MEMO1: variants seen among roughly 807,000 people sequenced by gnomAD.
MEMO1 encodes mediator of cell motility 1, also known as protein MEMO1.
In MEMO1, 6 loss-of-function variants were observed where a neutral mutation model predicts 45.2. That is an observed-to-expected ratio of 0.13 (90% confidence interval 0.07 to 0.26). MEMO1 has a LOEUF of 0.26. MEMO1 is among the 10% of genes least tolerant of loss of function. The pLI, the probability that MEMO1 is intolerant of heterozygous loss-of-function variation, is 1.00. For synonymous variants in MEMO1, 78 were observed against 124.3 expected (o/e 0.63, Z 2.48); for missense variants, 184 against 370.5 (o/e 0.50, Z 4.13).
At chr2:32,002,353 ATATG>A (rs1423245851) in intron 2 of MEMO1, among the ~76,000 whole-genome samples, 14 of 149,408 alleles carry the variant, frequency 9.4e-5, no homozygotes, top group African/African-American at 2.4e-4. Flanking sequence ...ATATACATAC[ATATG>A]TATGAGGAAA....
At chr2:31,932,298 A>G (rs1210533779) in intron 3 of MEMO1, among the ~76,000 whole-genome samples, 163 bp from the exon 4 acceptor site, 3 of 152,240 alleles carry the variant, frequency 2.0e-5, no homozygotes, top group Admixed American at 2.0e-4. Context: ...AGAAGAAATT[A>G]GGAAACACAT....
rs933649071 is a variant in MEMO1, at chr2:31,868,143, A to T, written c.*218T>A. 5 of 391,538 alleles carry T rather than the reference A, an allele frequency of 1.3e-5. No homozygotes were observed. The highest frequency in any genetic ancestry group is 2.1e-5 in the Non-Finnish European group (5 of 235,298). The allele number at this position is 391,538 out of a possible 1,614,324, so 24.3% of individuals were successfully genotyped here. A position where few individuals can be genotyped will look rare whatever the true frequency, so the allele number is the denominator to read the frequency against. On this transcript the variant is annotated 3_prime_UTR_variant, in exon 10 of 10. Coordinates refer to ENST00000404530, the MANE Select transcript of MEMO1 (RefSeq NM_001301833.4). ...CATCTTTTTTGATCAAAATATTTTG[A>T]TGCCAGCCTTCCTTCCACTGCCCTA...
intron 4 of MEMO1, among the ~76,000 whole-genome samples, chr2:31,930,552 T>C (rs923405140): frequency 6.6e-6 from 1 of 152,110 alleles, no homozygotes; most frequent in Admixed American, 6.6e-5. Context: ...TTCTGCCAAA[T>C]AGAGGAAGGT....
chr2:31,895,875 C>T (rs556423561), intron 6 of MEMO1, among the ~76,000 whole-genome samples: 2 of 128,712 alleles, frequency 1.6e-5, no homozygotes, highest in East Asian at 2.4e-4. Flanking sequence ...GACGGAGTCT[C>T]GCTGTCGCCC....
chr2:31,949,486 A>T (rs948211136), intron 2 of MEMO1, among the ~76,000 whole-genome samples: 34 of 152,082 alleles, frequency 2.2e-4, no homozygotes, highest in Non-Finnish European at 5.9e-5. Flanking sequence ...TAAGTGAAAT[A>T]AGCCAGGCAC....
chr2:31,897,588 G>A (rs974880557), intron 6 of MEMO1, among the ~76,000 whole-genome samples: 4 of 152,192 alleles, frequency 2.6e-5, no homozygotes, highest in African/African-American at 9.7e-5. Flanking sequence ...TGATGGATAT[G>A]CGTTTTGATG....
In MEMO1 at chr2:31,931,733, G is replaced by A. The variant is rs552871333; in HGVS notation, c.212+334C>T. ...AGTACAATAAAGAATCTTAAATTAC[G>A]AAATGATTAAAACAGATCAGAGGGC... On this transcript the variant is annotated intron_variant, in intron 4 of 9. Coordinates refer to ENST00000404530, the MANE Select transcript of MEMO1 (RefSeq NM_001301833.4). Among the ~76,000 whole-genome samples, 4 of 152,126 alleles carry A rather than the reference G, an allele frequency of 2.6e-5. No homozygotes were observed. The East Asian group carries it at 7.7e-4, about 29-fold the overall frequency.
In MEMO1 at chr2:31,991,188, T is replaced by C. The variant is rs189398963; in HGVS notation, c.61+18999A>G. On this transcript the variant is annotated intron_variant, in intron 2 of 9. Transcript: ENST00000404530. ...ACTGGATAGACAGACACATAAGAAATTGATAAAAGCAACCACCTATAAGGG... is the reference window on the plus strand; with the variant it reads ...ACTGGATAGACAGACACATAAGAAACTGATAAAAGCAACCACCTATAAGGG... Among the ~76,000 whole-genome samples the C allele has an allele frequency of 2.3e-4, 35 of 152,176 alleles. 1 individual carries two copies. The highest frequency in any genetic ancestry group is 7.7e-4 in the East Asian group (4 of 5,178).
chr2:31,992,419 C>T lies in MEMO1; in HGVS notation c.61+17768G>A, dbSNP rs1039611232. On this transcript the variant is annotated intron_variant, in intron 2 of 9. Coordinates refer to ENST00000404530, the MANE Select transcript of MEMO1 (RefSeq NM_001301833.4). The stretch of plus-strand genomic sequence containing the variant: ...AGATAAGAGGTGTCATGGCAATAAA[C>T]AAAAGTGGGTTCATATCTCAAATCT... 3.3e-5 allele frequency among the ~76,000 whole-genome samples: 5 copies of T among 152,292 alleles called. No homozygotes were observed. The South Asian group carries it at 6.2e-4, about 19-fold the overall frequency.
At chr2:31,880,132 A>G (rs1305745425) in intron 8 of MEMO1, among the ~76,000 whole-genome samples, 2 of 152,188 alleles carry the variant, frequency 1.3e-5, no homozygotes, top group Non-Finnish European at 2.9e-5. Context: ...TGTCCTCAAT[A>G]CTGCACAGAG....
chr2:31,976,576 A>AC (rs1464233343), intron 2 of MEMO1, among the ~76,000 whole-genome samples: 1 of 146,194 alleles, frequency 6.8e-6, no homozygotes, highest in Non-Finnish European at 1.5e-5. Context: ...AGACTGTCTC[A>AC]AAAAAAAAAA....
At chr2:31,895,827 A>G (rs2148010107) in intron 6 of MEMO1, among the ~76,000 whole-genome samples, 1 of 150,892 alleles carries the variant, frequency 6.6e-6, no homozygotes, top group South Asian at 2.1e-4. Context: ...ACAAAACACA[A>G]GAAAAAAATC....
intron 2 of MEMO1, among the ~76,000 whole-genome samples, chr2:31,981,287 C>G (rs977848352): frequency 6.6e-6 from 1 of 152,204 alleles, no homozygotes; most frequent in African/African-American, 2.4e-5. Context: ...AATGACTGCC[C>G]ATTTCCTCAA....
intron 2 of MEMO1, among the ~76,000 whole-genome samples, chr2:31,950,864 T>C (rs568710595): frequency 6.6e-6 from 1 of 152,362 alleles, no homozygotes; most frequent in South Asian, 2.1e-4. Flanking sequence ...AAAATTTTCC[T>C]CAACATTCAC....
At chr2:31,922,026 A>T (rs1682386363) in intron 4 of MEMO1, among the ~76,000 whole-genome samples, 1 of 152,148 alleles carries the variant, frequency 6.6e-6, no homozygotes, top group South Asian at 2.1e-4. Context: ...CTGTTCTCCA[A>T]AATTCATATG....
chr2:32,000,097 G>A lies in MEMO1; in HGVS notation c.61+10090C>T, dbSNP rs546955540. ...ATGATGGTCTCACTTTTTTGTCCAGGCTGGTCTCCAACTCCTGGGTTCAAG... is the reference window on the plus strand; with the variant it reads ...ATGATGGTCTCACTTTTTTGTCCAGACTGGTCTCCAACTCCTGGGTTCAAG... On this transcript the variant is annotated intron_variant, in intron 2 of 9. Transcript: ENST00000404530. 5.3e-5 allele frequency among the ~76,000 whole-genome samples: 8 copies of A among 151,868 alleles called. 1 individual carries two copies. In the South Asian group the frequency reaches 8.3e-4, roughly 16 times the overall value.
At chr2:31,871,402 G>C (rs1673705686) in intron 8 of MEMO1, among the ~76,000 whole-genome samples, 1 of 152,040 alleles carries the variant, frequency 6.6e-6, no homozygotes, top group South Asian at 2.1e-4. Flanking sequence ...GGGTAACATA[G>C]AAATTTTACA....
intron 7 of MEMO1, among the ~76,000 whole-genome samples, chr2:31,886,578 C>T (rs1166600899): frequency 1.3e-5 from 2 of 151,938 alleles, no homozygotes; most frequent in African/African-American, 2.4e-5. Context: ...ACACCTTTAA[C>T]TAAAAATGTA....
chr2:31,911,676 A>C (rs1412668407), intron 6 of MEMO1, among the ~76,000 whole-genome samples: 1 of 152,314 alleles, frequency 6.6e-6, no homozygotes, highest in East Asian at 1.9e-4. Flanking sequence ...TCACTTAGGG[A>C]ACTCAAAAAT....
Sources: gnomAD v4.1 joint callset for allele counts (sites outside exome capture counted in the v4.1 genomes callset) on GRCh38, gnomAD v4.1.1 for gene constraint, MANE v1.5 for transcripts, NCBI Gene and HGNC (gene_info 2026-07-23, HGNC 2026-07-21) for gene names.